The following ZSWIM6 variants were observed in gnomAD, a reference collection of about 807,000 sequenced individuals.
ZSWIM6 encodes zinc finger SWIM domain-containing protein 6.
In ZSWIM6, 9 loss-of-function variants were observed where a neutral mutation model predicts 113.2. The ratio of observed to expected loss-of-function variants is 0.08; its 90% CI spans 0.05 to 0.14. The LOEUF (loss-of-function observed/expected upper bound fraction) is 0.14, where lower values mean the gene tolerates loss of function less well. Among genes scored for constraint, ZSWIM6 ranks in the 10% least tolerant of loss-of-function variants. ZSWIM6 has a pLI of 1.00. For missense variants in ZSWIM6, 1,162 were observed against 1,552.2 expected (o/e 0.75, Z 4.22); for synonymous variants, 611 against 606.5 (o/e 1.01, Z -0.11).
intron 1 of ZSWIM6, among the ~76,000 whole-genome samples, chr5:61,346,343 G>C (rs1457602112): frequency 6.6e-6 from 1 of 152,116 alleles, no homozygotes; most frequent in African/African-American, 2.4e-5. Context: ...GAATATCTTG[G>C]GGATAGAATA....
rs112887119 is a variant in ZSWIM6 at position 61,490,898 on chromosome 5, C to T, written c.1146C>T (p.His382=). The change falls in exon 3 of 14, where the codon CAC becomes CAT. Residue 382 remains histidine (H), a synonymous_variant. Coordinates refer to ENST00000252744, the MANE Select transcript of ZSWIM6 (RefSeq NM_020928.2). The part of the protein sequence containing the change: ...VKLFLSQGGY[H]GSGKQLNLLF... Reference sequence around the variant, plus strand: ...TGTTCCTTTCCCAGGGCGGGTACCACGGATCAGGGAAGCAGCTTAATTTGC... The same window carrying T: ...TGTTCCTTTCCCAGGGCGGGTACCATGGATCAGGGAAGCAGCTTAATTTGC... The T allele has an allele frequency of 1.8e-5, 28 of 1,537,330 alleles. No individual in the cohort carries two copies. The highest frequency in any genetic ancestry group is 6.9e-5 in the African/African-American group (5 of 71,946).
chr5:61,381,230 G>A (rs1235241969), intron 1 of ZSWIM6, among the ~76,000 whole-genome samples: 1 of 152,134 alleles, frequency 6.6e-6, no homozygotes, highest in Non-Finnish European at 1.5e-5. Context: ...TCCAGCCTGG[G>A]CAACAGAGTG....
At chr5:61,428,656 C>T (rs1405235464) in intron 1 of ZSWIM6, among the ~76,000 whole-genome samples, 2 of 152,006 alleles carry the variant, frequency 1.3e-5, no homozygotes, top group Non-Finnish European at 2.9e-5. Flanking sequence ...CAGGCATCAG[C>T]CACTGTACTC....
chr5:61,348,621 T>C (rs917349692), intron 1 of ZSWIM6, among the ~76,000 whole-genome samples: 3 of 152,236 alleles, frequency 2.0e-5, no homozygotes, highest in African/African-American at 7.2e-5. Flanking sequence ...TGAGTTGCTG[T>C]TTTCCTCTTC....
intron 1 of ZSWIM6, among the ~76,000 whole-genome samples, chr5:61,453,006 T>A (rs1456896477): frequency 1.1e-4 from 16 of 152,192 alleles, no homozygotes; most frequent in African/African-American, 3.4e-4. Flanking sequence ...CTGTGTGATT[T>A]TTGCAGGAAT....
chr5:61,543,452 C>T lies in ZSWIM6; in HGVS notation c.2786-3C>T. ...TAATAGAGCCTGTTTGTGTTCCTTG[C>T]AGGGGTTTATGCCCTGGACAGCATC... On this transcript the variant is annotated splice_region_variant and splice_polypyrimidine_tract_variant and intron_variant, in intron 13 of 13. Transcript: ENST00000252744. This position sits in a 1 kb window ranked among gnomAD's most constrained non-coding sequence, Gnocchi z 4.3. 1 of 1,545,734 alleles carries T rather than the reference C, an allele frequency of 6.5e-7. No individual in the cohort carries two copies. The highest frequency in any genetic ancestry group is 2.0e-5 in the Admixed American group (1 of 50,890).
At chr5:61,385,307 G>A (rs774810086) in intron 1 of ZSWIM6, among the ~76,000 whole-genome samples, 2 of 152,198 alleles carry the variant, frequency 1.3e-5, no homozygotes, top group Non-Finnish European at 1.5e-5. Context: ...GTTCTCCCAA[G>A]CCAGCATGTA....
Position 61,375,161 on chromosome 5 carries a change from C to T in ZSWIM6, c.676+42213C>T, listed in dbSNP as rs949906574. On this transcript the variant is annotated intron_variant, in intron 1 of 13. Transcript: ENST00000252744. ...GCCTATATGAACCCAATAGCAATGGCGAGATCAAGGGGTCCAATCCAGTCT... is the reference window on the plus strand; with the variant it reads ...GCCTATATGAACCCAATAGCAATGGTGAGATCAAGGGGTCCAATCCAGTCT... The T allele has an allele frequency of 1.4e-5, 23 of 1,612,716 alleles. No homozygotes were observed. The African/African-American group carries it at 1.5e-4, about 10-fold the overall frequency.
intron 1 of ZSWIM6, among the ~76,000 whole-genome samples, chr5:61,470,319 T>C (rs999036240): frequency 6.6e-6 from 1 of 152,202 alleles, no homozygotes; most frequent in African/African-American, 2.4e-5. Context: ...AGTACATATA[T>C]GACAGGTGGA....
chr5:61,539,011 T>A (rs1749658061), intron 11 of ZSWIM6, 40 bp downstream of exon 11: 1 of 1,449,242 alleles, frequency 6.9e-7, no homozygotes, highest in Admixed American at 2.8e-5. Context: ...GTTTCATTCG[T>A]TTGCCTGTTT....
intron 1 of ZSWIM6, among the ~76,000 whole-genome samples, chr5:61,456,579 T>A (rs1245628801): frequency 6.6e-6 from 1 of 152,244 alleles, no homozygotes; most frequent in Non-Finnish European, 1.5e-5. Context: ...AATGATTCTC[T>A]TAGCCTTTCA....
At chr5:61,396,660 G>C (rs1240415079) in intron 1 of ZSWIM6, among the ~76,000 whole-genome samples, 3 of 152,004 alleles carry the variant, frequency 2.0e-5, no homozygotes, top group Admixed American at 1.3e-4. Flanking sequence ...CAATGGCATA[G>C]TGTCATATTT....
Position 61,544,333 on chromosome 5 carries a change from TGGGGTGGGGGGTG to T in ZSWIM6, c.*20_*32del. ...GTTTGGTTGATAGATCTTGTATGAA[TGGGGTGGGGGGTG>T]GGGATGGGAGGGATGGTTTGTTTTT... is the stretch of plus-strand genomic sequence containing the variant. On this transcript the variant is annotated 3_prime_UTR_variant, in exon 14 of 14. Coordinates refer to ENST00000252744, the MANE Select transcript of ZSWIM6 (RefSeq NM_020928.2). The T allele has an allele frequency of 6.3e-5, 11 of 174,874 alleles. No individual in the cohort carries two copies. Among genetic ancestry groups the T allele is most frequent in the Non-Finnish European group, 1.0e-4 (9 of 87,140 alleles). The allele number at this position is 174,874 out of a possible 1,614,324, so 10.8% of individuals were successfully genotyped here.
chr5:61,382,620 A>G (rs1230464648), intron 1 of ZSWIM6, among the ~76,000 whole-genome samples: 1 of 152,106 alleles, frequency 6.6e-6, no homozygotes, highest in Non-Finnish European at 1.5e-5. Flanking sequence ...CCTGGCCAAC[A>G]TGGTGAAACC....
chr5:61,426,157 G>A (rs1223038124), intron 1 of ZSWIM6, among the ~76,000 whole-genome samples: 1 of 152,156 alleles, frequency 6.6e-6, no homozygotes, highest in Non-Finnish European at 1.5e-5. Context: ...TTGCAAGGTT[G>A]TAAAGTGATA....
chr5:61,356,695 ATATTT>A (rs1744915072), intron 1 of ZSWIM6, among the ~76,000 whole-genome samples: 1 of 134,608 alleles, frequency 7.4e-6, no homozygotes, highest in East Asian at 2.1e-4. Context: ...TATAATATAC[ATATTT>A]TATATATATA....
chr5:61,346,062 A>G (rs1358538635), intron 1 of ZSWIM6, among the ~76,000 whole-genome samples: 1 of 151,942 alleles, frequency 6.6e-6, no homozygotes, highest in Non-Finnish European at 1.5e-5. Context: ...CTCCTGCCTC[A>G]GCCTCCCGAG....
At chr5:61,462,857 C>T (rs1747347917) in intron 1 of ZSWIM6, among the ~76,000 whole-genome samples, 1 of 152,156 alleles carries the variant, frequency 6.6e-6, no homozygotes, top group Admixed American at 6.5e-5. Context: ...AGTGATGGAG[C>T]TCGAAGGAAG....
intron 1 of ZSWIM6, among the ~76,000 whole-genome samples, chr5:61,460,354 C>T (rs1303298603): frequency 6.6e-6 from 1 of 152,178 alleles, no homozygotes; most frequent in East Asian, 1.9e-4. Context: ...AGACCTTTTA[C>T]TAGTAAATAG....
Sources: gnomAD v4.1 joint callset for allele counts (sites outside exome capture counted in the v4.1 genomes callset) on GRCh38, gnomAD v4.1.1 for gene constraint, Gnocchi (gnomAD v3.1) non-coding constraint, MANE v1.5 for transcripts, NCBI Gene and HGNC (gene_info 2026-07-23, HGNC 2026-07-21) for gene names.